Variants in RELN observed in about 807,000 individuals in gnomAD.
RELN encodes reelin.
Under a neutral mutation model 427.6 loss-of-function variants are expected in RELN, and 108 were observed. The observed-to-expected ratio is 0.25, with a 90% CI of 0.22 to 0.30. The LOEUF (loss-of-function observed/expected upper bound fraction) is 0.30. Among genes scored for constraint, RELN ranks in the 10% least tolerant of loss-of-function variants. The pLI, the probability that RELN is intolerant of heterozygous loss-of-function variation, is 1.00. For missense variants in RELN, 3,715 were observed against 4,302.8 expected, an observed-to-expected ratio of 0.86 and a Z score of 3.82; for synonymous variants, 1,524 against 1,513.4, an observed-to-expected ratio of 1.01 and a Z score of -0.16.
chr7:103,744,356 A>C (rs1790757843), intron 6 of RELN, among the ~76,000 whole-genome samples: 1 of 152,020 alleles, frequency 6.6e-6, no homozygotes, highest in Non-Finnish European at 1.5e-5. Context: ...TAAAAGAACT[A>C]GAAAAGCAAG....
intron 19 of RELN, among the ~76,000 whole-genome samples, chr7:103,630,777 C>A (rs1464507587): frequency 6.6e-6 from 1 of 151,590 alleles, no homozygotes; most frequent in Admixed American, 6.6e-5. Flanking sequence ...ACATTTGTCA[C>A]CGTCAAAGTA....
At chr7:103,719,898 G>A (rs886246951) in intron 8 of RELN, among the ~76,000 whole-genome samples, 2 of 152,118 alleles carry the variant, frequency 1.3e-5, no homozygotes, top group African/African-American at 4.8e-5. Flanking sequence ...GTTCTTCTAC[G>A]AATATTTTAG....
chr7:103,659,367 GA>G (rs1473354008), intron 12 of RELN, among the ~76,000 whole-genome samples: 2 of 152,008 alleles, frequency 1.3e-5, no homozygotes, highest in East Asian at 1.9e-4. Context: ...CCTAGAGAAA[GA>G]AAATCCAAAC....
chr7:103,908,762 G>A (rs1164101005), intron 2 of RELN, among the ~76,000 whole-genome samples: 2 of 152,112 alleles, frequency 1.3e-5, no homozygotes, highest in African/African-American at 2.4e-5. Flanking sequence ...TCTTAATGAA[G>A]GTAAGAATGG....
intron 11 of RELN, among the ~76,000 whole-genome samples, chr7:103,670,616 G>C (rs1833370339): frequency 6.6e-6 from 1 of 151,942 alleles, no homozygotes; most frequent in Non-Finnish European, 1.5e-5. Flanking sequence ...ATGGGAATTA[G>C]CATGGGGGGG....
intron 3 of RELN, among the ~76,000 whole-genome samples, chr7:103,826,131 A>G (rs758427040): frequency 2.0e-5 from 3 of 150,796 alleles, no homozygotes; most frequent in Non-Finnish European, 3.0e-5. Flanking sequence ...TTCTTCTTTC[A>G]GGTATGCTCA....
At chr7:103,879,834 G>T (rs1279035890) in intron 2 of RELN, among the ~76,000 whole-genome samples, 3 of 152,050 alleles carry the variant, frequency 2.0e-5, no homozygotes, top group Non-Finnish European at 4.4e-5. Context: ...CTAAAGCACT[G>T]GTAGGAAAAA....
intron 46 of RELN, among the ~76,000 whole-genome samples, chr7:103,524,042 T>C (rs1172524573): frequency 1.3e-5 from 2 of 152,176 alleles, no homozygotes; most frequent in South Asian, 4.1e-4. Context: ...CAAACTGTGA[T>C]AGTTTGATCA....
chr7:103,616,933 C>T (rs1349626679), intron 20 of RELN, among the ~76,000 whole-genome samples: 1 of 152,160 alleles, frequency 6.6e-6, no homozygotes, highest in Non-Finnish European at 1.5e-5. Flanking sequence ...CAGATTCCTT[C>T]GTTAAAGCAA....
At chr7:103,796,237 CTA>C (rs1481918087) in intron 3 of RELN, among the ~76,000 whole-genome samples, 2 of 152,098 alleles carry the variant, frequency 1.3e-5, no homozygotes, top group Non-Finnish European at 2.9e-5. Context: ...AGAAGAAACA[CTA>C]TGTGAGTATT....
chr7:103,593,214 C>A (rs1831461105), intron 27 of RELN, among the ~76,000 whole-genome samples: 1 of 152,094 alleles, frequency 6.6e-6, no homozygotes. Context: ...AGCTGAAAAA[C>A]AAGAAGCTTT....
In RELN at chr7:103,808,928, T is replaced by C. The variant is rs117871513; in HGVS notation, c.473+24609A>G. On this transcript the variant is annotated intron_variant, in intron 3 of 64. Transcript: ENST00000428762. The stretch of plus-strand genomic sequence containing the variant: ...ATTTCCTGGTCCTCAAAAACATGAG[T>C]TTGCAGATGGAAAGGCCCACTGAGT... 9.1e-4 allele frequency among the ~76,000 whole-genome samples: 138 copies of C among 152,198 alleles called. 1 individual carries two copies. The East Asian group carries it at 0.024, about 27-fold the overall frequency.
intron 3 of RELN, among the ~76,000 whole-genome samples, chr7:103,825,278 G>A (rs1241698218): frequency 6.6e-6 from 1 of 152,024 alleles, no homozygotes; most frequent in African/African-American, 2.4e-5. Context: ...TGAGATCCAG[G>A]CATGGGGCAG....
chr7:103,837,759 C>T (rs577602981), intron 2 of RELN, among the ~76,000 whole-genome samples: 8 of 152,292 alleles, frequency 5.3e-5, no homozygotes, highest in African/African-American at 1.9e-4. Flanking sequence ...GCAGTTCATA[C>T]ATCCCTTTAC....
chr7:103,759,531 GTC>G (rs1224286493), intron 4 of RELN, among the ~76,000 whole-genome samples: 3 of 152,106 alleles, frequency 2.0e-5, no homozygotes, highest in South Asian at 2.1e-4. Context: ...ATGTTAACAT[GTC>G]TCTGTGTTGG....
chr7:103,717,829 GGAGGAAAT>G (rs1789976967), intron 8 of RELN, among the ~76,000 whole-genome samples: 1 of 152,054 alleles, frequency 6.6e-6, no homozygotes, highest in Non-Finnish European at 1.5e-5. Context: ...GTAAGTTCGT[GGAGGAAAT>G]GAGCAACAAT....
chr7:103,720,640 A>G (rs1017425885), intron 8 of RELN, among the ~76,000 whole-genome samples: 2 of 152,132 alleles, frequency 1.3e-5, no homozygotes, highest in Non-Finnish European at 2.9e-5. Context: ...CATAATCTTA[A>G]TATAATTTTT....
At chr7:103,782,358 G>C (rs550639032) in intron 3 of RELN, among the ~76,000 whole-genome samples, 1 of 152,248 alleles carries the variant, frequency 6.6e-6, no homozygotes, top group Admixed American at 6.5e-5. Context: ...ACCAGTGACA[G>C]AACACAGTTA....
At chr7:103,834,751 C>A (rs902570668) in intron 2 of RELN, among the ~76,000 whole-genome samples, 1 of 152,052 alleles carries the variant, frequency 6.6e-6, no homozygotes, top group Non-Finnish European at 1.5e-5. Flanking sequence ...TAATGAGATA[C>A]CACTACACAC....
Sources: allele counts gnomAD v4.1 joint callset (sites outside exome capture counted in the v4.1 genomes callset), GRCh38; gene constraint gnomAD v4.1.1; transcripts MANE v1.5; gene names NCBI Gene and HGNC (gene_info 2026-07-23, HGNC 2026-07-21).